The following LRBA variants were observed in gnomAD, a reference collection of about 807,000 sequenced individuals.
The protein encoded by LRBA is LPS responsive beige-like anchor protein.
Under a neutral mutation model 330.0 loss-of-function variants are expected in LRBA, and 176 were observed. That is an observed-to-expected ratio of 0.53 (90% CI 0.47 to 0.60). LRBA has a LOEUF of 0.60. Among genes scored for constraint, LRBA ranks in the 20% least tolerant of loss-of-function variants. The pLI is 0.00. For missense variants in LRBA, 3,259 were observed against 3,444.8 expected, an observed-to-expected ratio of 0.95 and a Z score of 1.35; for synonymous variants, 1,230 against 1,193.0, an observed-to-expected ratio of 1.03 and a Z score of -0.64.
intron 14 of LRBA, among the ~76,000 whole-genome samples, chr4:150,899,318 C>A (rs970055222): frequency 1.3e-5 from 2 of 152,082 alleles, no homozygotes; most frequent in East Asian, 1.9e-4. Context: ...ACAAAGGAAG[C>A]GAATATGTGA....
At chr4:150,885,397 G>GC (rs1311977928) in intron 17 of LRBA, among the ~76,000 whole-genome samples, 16 of 152,052 alleles carry the variant, frequency 1.1e-4, no homozygotes, top group Non-Finnish European at 2.1e-4. Flanking sequence ...GAGATGGGCG[G>GC]GTAATTTGAG....
intron 40 of LRBA, among the ~76,000 whole-genome samples, chr4:150,530,008 GC>G (rs981020044): frequency 2.6e-5 from 4 of 152,262 alleles, no homozygotes; most frequent in Admixed American, 6.5e-5. Flanking sequence ...TGTAGACTAA[GC>G]CATCCTTGAC....
At chr4:150,421,697 AT>A (rs1748824876) in intron 46 of LRBA, among the ~76,000 whole-genome samples, 1 of 152,064 alleles carries the variant, frequency 6.6e-6, no homozygotes, top group Non-Finnish European at 1.5e-5. Flanking sequence ...ATAGTCACAA[AT>A]ACATTGACTT....
In LRBA at chr4:150,726,790, G is replaced by A. The variant is rs180714606; in HGVS notation, c.5754+8468C>T. ...GGATCATAGGTCCCTCCCTCAACAC[G>A]TGGGGATTACAATTCAAGATGAGAT... On this transcript the variant is annotated intron_variant, in intron 36 of 56. Coordinates refer to ENST00000651943, the MANE Select transcript of LRBA (RefSeq NM_001364905.1). Among the ~76,000 whole-genome samples the A allele has an allele frequency of 1.6e-3, 249 of 152,066 alleles. 1 individual carries two copies. Among genetic ancestry groups the A allele is most frequent in the Admixed American group, 3.7e-3 (56 of 15,266 alleles).
chr4:150,892,448 T>A (rs1729568649), intron 17 of LRBA, among the ~76,000 whole-genome samples: 1 of 152,150 alleles, frequency 6.6e-6, no homozygotes, highest in Non-Finnish European at 1.5e-5. Flanking sequence ...TCACTCATGC[T>A]CTCTTTCTCT....
At chr4:150,645,934 T>A (rs1361108502) in intron 37 of LRBA, among the ~76,000 whole-genome samples, 1 of 127,564 alleles carries the variant, frequency 7.8e-6, no homozygotes, top group African/African-American at 3.0e-5. Flanking sequence ...GAAAACCCAT[T>A]ACAGAAAATT....
intron 48 of LRBA, among the ~76,000 whole-genome samples, chr4:150,336,185 A>C (rs1734705525): frequency 6.6e-6 from 1 of 152,214 alleles, no homozygotes; most frequent in African/African-American, 2.4e-5. Flanking sequence ...CGTACCCAAT[A>C]GTTATCTTTT....
intron 40 of LRBA, among the ~76,000 whole-genome samples, chr4:150,501,017 T>C (rs1456462490): frequency 6.6e-6 from 1 of 152,220 alleles, no homozygotes; most frequent in Non-Finnish European, 1.5e-5. Flanking sequence ...TAATAGAGCA[T>C]GGAACTAAAT....
At chr4:150,595,034 A>G (rs1773332423) in intron 38 of LRBA, among the ~76,000 whole-genome samples, 1 of 152,016 alleles carries the variant, frequency 6.6e-6, no homozygotes, top group African/African-American at 2.4e-5. Flanking sequence ...AAAGACTACT[A>G]TTAGAATAAC....
chr4:150,495,657 T>C (rs904271094), intron 40 of LRBA, among the ~76,000 whole-genome samples: 1 of 152,184 alleles, frequency 6.6e-6, no homozygotes, highest in Admixed American at 6.5e-5. Flanking sequence ...TCATTTCTTA[T>C]TGGAATAGTA....
chr4:150,565,708 T>C (rs1284650280), intron 40 of LRBA, among the ~76,000 whole-genome samples: 2 of 151,978 alleles, frequency 1.3e-5, no homozygotes, highest in South Asian at 4.1e-4. Context: ...CTTTAACACA[T>C]AAAACACTTA....
chr4:150,685,421 T>TATATATATATA lies in LRBA; in HGVS notation c.5755-1705_5755-1704insTATATATATAT, dbSNP rs58013900. ...ATATATATATATATATATATATATA[T>TATATATATATA]TTTTTTTTTTTTTTTTTTTTTTTTT... is the stretch of plus-strand genomic sequence containing the variant. On this transcript the variant is annotated intron_variant, in intron 36 of 56. Coordinates refer to ENST00000651943, the MANE Select transcript of LRBA (RefSeq NM_001364905.1). Among the ~76,000 whole-genome samples, 47 of 11,028 alleles carry TATATATATATA rather than the reference T, an allele frequency of 4.3e-3. 1 individual carries two copies. Among genetic ancestry groups the TATATATATATA allele is most frequent in the Non-Finnish European group, 4.8e-3 (33 of 6,852 alleles). The allele number at this position is 11,028 out of a possible 152,430, so 7.2% of individuals were successfully genotyped here.
At chr4:150,342,354 G>GA (rs553368027) in intron 48 of LRBA, among the ~76,000 whole-genome samples, 20 of 151,952 alleles carry the variant, frequency 1.3e-4, no homozygotes, top group Non-Finnish European at 2.6e-4. Flanking sequence ...TAAAGGCAGT[G>GA]AAAAAAAGAA....
At chr4:150,475,226 T>C (rs1756578839) in intron 42 of LRBA, among the ~76,000 whole-genome samples, 1 of 152,188 alleles carries the variant, frequency 6.6e-6, no homozygotes, top group South Asian at 2.1e-4. Context: ...AATTGGCCTA[T>C]AGCATTTTTC....
intron 40 of LRBA, among the ~76,000 whole-genome samples, chr4:150,525,981 A>T (rs894559003): frequency 6.6e-6 from 1 of 152,156 alleles, no homozygotes; most frequent in African/African-American, 2.4e-5. Flanking sequence ...GGGTGTAATT[A>T]CCTTGGTAAA....
In LRBA at chr4:150,713,811, C is replaced by G. The variant is rs562572732; in HGVS notation, c.5754+21447G>C. Reference sequence around the variant, plus strand: ...TACAATGCTAACAGTGAAATAGAGACACTTTTATTAAATCGACAAATACAA... The same window carrying G: ...TACAATGCTAACAGTGAAATAGAGAGACTTTTATTAAATCGACAAATACAA... On this transcript the variant is annotated intron_variant, in intron 36 of 56. Transcript: ENST00000651943. 1.1e-3 allele frequency among the ~76,000 whole-genome samples: 162 copies of G among 152,264 alleles called. 1 individual carries two copies. The highest frequency in any genetic ancestry group is 3.1e-3 in the African/African-American group (127 of 41,560).
Position 150,321,111 on chromosome 4 carries a change from G to T in LRBA, c.7630+80C>A, listed in dbSNP as rs1732446625. 2.4e-6 allele frequency: 3 copies of T among 1,237,566 alleles called. No individual in the cohort carries two copies. Among genetic ancestry groups the T allele is most frequent in the South Asian group, 1.5e-5 (1 of 68,406 alleles). The allele number at this position is 1,237,566 out of a possible 1,614,324, so 76.7% of individuals were successfully genotyped here. On this transcript the variant is annotated intron_variant, in intron 50 of 56. Coordinates refer to ENST00000651943, the MANE Select transcript of LRBA (RefSeq NM_001364905.1). The surrounding 1 kb of genome is among the most constrained non-coding windows in gnomAD (Gnocchi z 4.5). ...ATGCTTGAAAATTAAAAGCTTAAAT[G>T]TTGAGATATGCTATATTTAAGTGGG...
intron 53 of LRBA, among the ~76,000 whole-genome samples, chr4:150,296,659 T>TG (rs1408226509): frequency 6.6e-6 from 1 of 151,334 alleles, no homozygotes; most frequent in African/African-American, 2.5e-5. Context: ...GTTTAACTGT[T>TG]GCTTCGTAAA....
chr4:150,660,755 AT>A (rs1410236617), intron 37 of LRBA, among the ~76,000 whole-genome samples: 6 of 126,188 alleles, frequency 4.8e-5, no homozygotes, highest in Non-Finnish European at 1.0e-4. Flanking sequence ...GATCCTGTTG[AT>A]CTGTGACCTT....
Sources: allele counts gnomAD v4.1 joint callset (sites outside exome capture counted in the v4.1 genomes callset), GRCh38; gene constraint gnomAD v4.1.1; non-coding constraint Gnocchi (gnomAD v3.1); transcripts MANE v1.5; gene names NCBI Gene and HGNC (gene_info 2026-07-23, HGNC 2026-07-21).